The following DPYSL3 variants were observed in gnomAD, a reference collection of about 807,000 sequenced individuals.
The protein encoded by DPYSL3 is dihydropyrimidinase-related protein 3.
Under a neutral mutation model 66.1 loss-of-function variants are expected in DPYSL3, and 16 were observed. That is an observed-to-expected ratio of 0.24 (90% CI 0.16 to 0.37). The LOEUF (loss-of-function observed/expected upper bound fraction) is 0.37, where lower values mean the gene tolerates loss of function less well. Among genes scored for constraint, DPYSL3 ranks in the 10% least tolerant of loss-of-function variants. DPYSL3 has a pLI of 1.00. For synonymous variants in DPYSL3, 338 were observed against 345.1 expected (o/e 0.98, Z 0.23); for missense variants, 738 against 916.2 (o/e 0.81, Z 2.51).
At chr5:147,460,593 A>C (rs570678871) in intron 1 of DPYSL3, among the ~76,000 whole-genome samples, 8 of 152,246 alleles carry the variant, frequency 5.3e-5, no homozygotes, top group African/African-American at 1.7e-4. Context: ...GAGGCAGGAG[A>C]CTCAAAAAGA....
chr5:147,451,386 C>G (rs1400160885), intron 1 of DPYSL3, among the ~76,000 whole-genome samples: 1 of 152,314 alleles, frequency 6.6e-6, no homozygotes, highest in Non-Finnish European at 1.5e-5. Flanking sequence ...GGATGGAAGC[C>G]GCACTGAAAA....
At chr5:147,488,929 C>T (rs905541344) in intron 1 of DPYSL3, among the ~76,000 whole-genome samples, 3 of 151,582 alleles carry the variant, frequency 2.0e-5, no homozygotes, top group South Asian at 4.2e-4. Context: ...GCAGGAGAAC[C>T]GCTTGAACCC....
intron 1 of DPYSL3, among the ~76,000 whole-genome samples, chr5:147,425,174 G>A (rs1054202289): frequency 6.6e-6 from 1 of 152,114 alleles, no homozygotes; most frequent in African/African-American, 2.4e-5. Context: ...ATTATTCTAG[G>A]GTTTCACCTC....
intron 1 of DPYSL3, among the ~76,000 whole-genome samples, chr5:147,432,436 T>C (rs114171946): frequency 0.011 from 1,710 of 152,306 alleles, 15 homozygotes; most frequent in South Asian, 0.031. Flanking sequence ...TTTAAAGATG[T>C]CATTATCAAA....
intron 1 of DPYSL3, among the ~76,000 whole-genome samples, chr5:147,435,938 G>C (rs1752407135): frequency 1.3e-5 from 2 of 151,880 alleles, no homozygotes. Flanking sequence ...AGGGGAGGGA[G>C]TGGTTATTGG....
At chr5:147,497,680 T>G (rs1266650160) in intron 1 of DPYSL3, among the ~76,000 whole-genome samples, 1 of 150,630 alleles carries the variant, frequency 6.6e-6, no homozygotes, top group East Asian at 1.9e-4. Context: ...GAAAAAGCAT[T>G]TGGCAAAATC....
intron 1 of DPYSL3, among the ~76,000 whole-genome samples, chr5:147,442,901 T>C (rs556793398): frequency 3.3e-5 from 5 of 152,266 alleles, no homozygotes; most frequent in Non-Finnish European, 7.4e-5. Flanking sequence ...CTCTGAGTAA[T>C]TTCATTGTAG....
intron 1 of DPYSL3, among the ~76,000 whole-genome samples, chr5:147,440,459 A>G (rs1752512071): frequency 6.6e-6 from 1 of 152,228 alleles, no homozygotes; most frequent in South Asian, 2.1e-4. Context: ...CTCATGTTAT[A>G]GATTTATGGA....
chr5:147,454,701 T>C (rs1268725003), intron 1 of DPYSL3, among the ~76,000 whole-genome samples: 1 of 152,194 alleles, frequency 6.6e-6, no homozygotes, highest in Non-Finnish European at 1.5e-5. Context: ...CCACGTGCAC[T>C]GCTCACAATC....
At position 147,395,542 on chromosome 5, in the gene DPYSL3, G is replaced by A. The variant is rs1232747606; in HGVS notation, c.1966+17C>T. On this transcript the variant is annotated intron_variant, in intron 13 of 13. Transcript: ENST00000343218. ...CTTCCCCCTTCTCTTATCTTTTGAT[G>A]AGCCTGTCCCACTCACCTGACAGGC... 8 of 1,601,548 alleles carry A rather than the reference G, an allele frequency of 5.0e-6. No homozygotes were observed. Among genetic ancestry groups the A allele is most frequent in the African/African-American group, 2.7e-5 (2 of 74,650 alleles).
chr5:147,477,331 C>G (rs1028657590), intron 1 of DPYSL3, among the ~76,000 whole-genome samples: 3 of 144,612 alleles, frequency 2.1e-5, no homozygotes, highest in African/African-American at 8.7e-5. Flanking sequence ...ATAGCCCTGG[C>G]TGAATGAAAA....
intron 1 of DPYSL3, among the ~76,000 whole-genome samples, chr5:147,430,254 G>A (rs986439955): frequency 3.3e-5 from 5 of 152,078 alleles, no homozygotes; most frequent in South Asian, 2.1e-4. Context: ...CCAGCATTTT[G>A]GGAGGCCGAG....
intron 1 of DPYSL3, among the ~76,000 whole-genome samples, chr5:147,464,263 T>A (rs534346879): frequency 6.6e-6 from 1 of 152,146 alleles, no homozygotes; most frequent in East Asian, 1.9e-4. Flanking sequence ...GAAGAATACA[T>A]GAATGCAAGA....
intron 1 of DPYSL3, among the ~76,000 whole-genome samples, chr5:147,488,821 C>A (rs975147768): frequency 6.6e-6 from 1 of 152,030 alleles, no homozygotes; most frequent in Non-Finnish European, 1.5e-5. Flanking sequence ...TCGAGACCAG[C>A]CTGGTCAACA....
At chr5:147,467,349 A>G (rs1484533485) in intron 1 of DPYSL3, among the ~76,000 whole-genome samples, 1 of 152,192 alleles carries the variant, frequency 6.6e-6, no homozygotes, top group East Asian at 1.9e-4. Flanking sequence ...ATTCATTTGA[A>G]AGGAGTTGCT....
chr5:147,405,478 TG>T (rs1322368282), intron 8 of DPYSL3, 131 bp downstream of exon 8: 2 of 1,256,792 alleles, frequency 1.6e-6, no homozygotes, highest in African/African-American at 3.0e-5. Context: ...CCACACAGGA[TG>T]TGGAGAGCGG....
intron 8 of DPYSL3, chr5:147,402,001 C>A (rs1758196341): frequency 3.9e-6 from 1 of 257,170 alleles, no homozygotes; most frequent in African/African-American, 2.3e-5. Context: ...TTTCAAGATT[C>A]ATCCTCATTT....
At chr5:147,397,373 A>T (rs995755753) in intron 12 of DPYSL3, among the ~76,000 whole-genome samples, 12 of 152,056 alleles carry the variant, frequency 7.9e-5, no homozygotes, top group African/African-American at 1.2e-4. Flanking sequence ...TTTATTTTTT[A>T]AAAAAATACA....
intron 1 of DPYSL3, among the ~76,000 whole-genome samples, chr5:147,444,162 A>G (rs963492281): frequency 2.6e-5 from 4 of 152,082 alleles, no homozygotes; most frequent in Non-Finnish European, 4.4e-5. Flanking sequence ...TTAAGGTAGC[A>G]CCATACCGTG....
Sources: allele counts gnomAD v4.1 joint callset (sites outside exome capture counted in the v4.1 genomes callset), GRCh38; gene constraint gnomAD v4.1.1; transcripts MANE v1.5; gene names NCBI Gene and HGNC (gene_info 2026-07-23, HGNC 2026-07-21).